The following FAT3 variants were observed in gnomAD, a reference collection of about 807,000 sequenced individuals.
The protein encoded by FAT3 is protocadherin Fat 3.
FAT3 carries 95 observed loss-of-function variants against 310.2 expected under a neutral mutation model. That is an observed-to-expected ratio of 0.31 (90% CI 0.26 to 0.36). The LOEUF is 0.36. Ranked by LOEUF, FAT3 falls within the 10% of genes least tolerant of loss-of-function variation. The pLI is 1.00. For synonymous variants in FAT3, 2,314 were observed against 2,192.9 expected, an observed-to-expected ratio of 1.06 and a Z score of -1.54; for missense variants, 5,408 against 5,715.6, an observed-to-expected ratio of 0.95 and a Z score of 1.74.
chr11:92,853,658 C>T (rs1353067980), intron 19 of FAT3, among the ~76,000 whole-genome samples: 1 of 152,042 alleles, frequency 6.6e-6, no homozygotes, highest in Non-Finnish European at 1.5e-5. Flanking sequence ...GGTGGGTAGC[C>T]CCTTACTGCA....
chr11:92,661,816 G>C (rs1942792924), intron 3 of FAT3, among the ~76,000 whole-genome samples: 1 of 151,928 alleles, frequency 6.6e-6, no homozygotes. Context: ...TATAAGCCCT[G>C]GTTATTTATA....
At chr11:92,296,499 A>G (rs1300720787) in intron 1 of FAT3, among the ~76,000 whole-genome samples, 2 of 152,112 alleles carry the variant, frequency 1.3e-5, no homozygotes, top group Admixed American at 6.5e-5. Context: ...AGAATCAACC[A>G]TAGGTATGGG....
At chr11:92,325,157 G>C (rs1301203435) in intron 1 of FAT3, among the ~76,000 whole-genome samples, 1 of 152,226 alleles carries the variant, frequency 6.6e-6, no homozygotes, top group Admixed American at 6.5e-5. Flanking sequence ...GTACAATTAT[G>C]ACAAGCTTGA....
In FAT3 at chr11:92,895,406, A is replaced by AGAT. The variant is rs547862500; in HGVS notation, c.*4294_*4296dup. On this transcript the variant is annotated 3_prime_UTR_variant, in exon 28 of 28. Transcript: ENST00000525166. ...ATTAATATTTAGCCAGCTGGCTAAG[A>AGAT]GATAGGAAAAGAATATGATATTTCT... The AGAT allele has an allele frequency of 6.6e-6, 1 of 152,232 alleles. No homozygotes were observed. Among genetic ancestry groups the AGAT allele is most frequent in the Non-Finnish European group, 1.5e-5 (1 of 68,044 alleles). 9.4% of individuals were successfully genotyped at this position (152,232 alleles called of 1,614,324 possible).
intron 4 of FAT3, among the ~76,000 whole-genome samples, chr11:92,698,956 G>A (rs1565521693): frequency 2.6e-5 from 4 of 152,286 alleles, no homozygotes; most frequent in Admixed American, 6.5e-5. Flanking sequence ...TTGCAAGGTC[G>A]TCTCTGTCAT....
At chr11:92,802,408 A>G (rs1947387235) in intron 10 of FAT3, among the ~76,000 whole-genome samples, 1 of 152,142 alleles carries the variant, frequency 6.6e-6, no homozygotes, top group African/African-American at 2.4e-5. Context: ...AGAAATCCTA[A>G]ATTATCACTA....
intron 1 of FAT3, among the ~76,000 whole-genome samples, chr11:92,267,835 T>C (rs955737162): frequency 1.3e-5 from 2 of 152,130 alleles, no homozygotes; most frequent in Non-Finnish European, 2.9e-5. Flanking sequence ...AAATCCTTTA[T>C]GGAACTGCGT....
At chr11:92,255,735 T>A (rs1199882634) in intron 1 of FAT3, among the ~76,000 whole-genome samples, 1 of 152,180 alleles carries the variant, frequency 6.6e-6, no homozygotes, top group East Asian at 1.9e-4. Flanking sequence ...TATAGAATTT[T>A]ATGGCAATGA....
intron 2 of FAT3, among the ~76,000 whole-genome samples, chr11:92,377,403 C>T (rs1326244064): frequency 6.6e-6 from 1 of 152,132 alleles, no homozygotes; most frequent in Non-Finnish European, 1.5e-5. Flanking sequence ...TCACTAAGTT[C>T]TGACTCCATG....
At chr11:92,674,562 G>A (rs1383624239) in intron 3 of FAT3, among the ~76,000 whole-genome samples, 1 of 151,648 alleles carries the variant, frequency 6.6e-6, no homozygotes, top group East Asian at 1.9e-4. Context: ...TCACTCTGTT[G>A]CCCAAGCTGG....
intron 3 of FAT3, among the ~76,000 whole-genome samples, chr11:92,532,220 G>C (rs1006004708): frequency 3.3e-5 from 5 of 152,022 alleles, no homozygotes; most frequent in African/African-American, 1.2e-4. Flanking sequence ...GGGAAGGAAT[G>C]TTACACAAAG....
intron 1 of FAT3, among the ~76,000 whole-genome samples, chr11:92,258,338 C>A (rs2134297482): frequency 6.6e-6 from 1 of 152,188 alleles, no homozygotes; most frequent in African/African-American, 2.4e-5. Flanking sequence ...GAAACTAAAG[C>A]ACTAGGTATA....
chr11:92,442,776 C>G (rs1281959718), intron 2 of FAT3, among the ~76,000 whole-genome samples: 1 of 152,124 alleles, frequency 6.6e-6, no homozygotes, highest in Non-Finnish European at 1.5e-5. Context: ...TTGTCTATGT[C>G]TTGTGTACTG....
At chr11:92,550,759 GCCA>G (rs1954783901) in intron 3 of FAT3, among the ~76,000 whole-genome samples, 1 of 139,472 alleles carries the variant, frequency 7.2e-6, no homozygotes, top group Non-Finnish European at 1.5e-5. Context: ...TCACCTGGTT[GCCA>G]CATTTATCTT....
chr11:92,508,641 G>T (rs1025116978), intron 2 of FAT3, among the ~76,000 whole-genome samples: 3 of 152,218 alleles, frequency 2.0e-5, no homozygotes, highest in Non-Finnish European at 4.4e-5. Context: ...GAATATGTGG[G>T]TGTGGGCATA....
chr11:92,296,629 C>T (rs948212370), intron 1 of FAT3, among the ~76,000 whole-genome samples: 1 of 151,972 alleles, frequency 6.6e-6, no homozygotes, highest in Non-Finnish European at 1.5e-5. Context: ...GGGTTTTTGA[C>T]AATCAGTGGA....
intron 1 of FAT3, among the ~76,000 whole-genome samples, chr11:92,339,266 A>T (rs1948175924): frequency 6.6e-6 from 1 of 152,176 alleles, no homozygotes; most frequent in African/African-American, 2.4e-5. Flanking sequence ...TCATTGTGAT[A>T]ACAAAAAATG....
chr11:92,564,198 C>T (rs949991793), intron 3 of FAT3, among the ~76,000 whole-genome samples: 8 of 152,016 alleles, frequency 5.3e-5, no homozygotes, highest in African/African-American at 1.9e-4. Flanking sequence ...GAAGATCTAT[C>T]AAACAAATGG....
At chr11:92,409,749 A>G (rs1196336662) in intron 2 of FAT3, among the ~76,000 whole-genome samples, 5 of 152,178 alleles carry the variant, frequency 3.3e-5, no homozygotes, top group Non-Finnish European at 7.3e-5. Flanking sequence ...AGAAGCCAGC[A>G]TGATTGCAGG....
Sources: gnomAD v4.1 joint callset for allele counts (sites outside exome capture counted in the v4.1 genomes callset) on GRCh38, gnomAD v4.1.1 for gene constraint, MANE v1.5 for transcripts, NCBI Gene and HGNC (gene_info 2026-07-23, HGNC 2026-07-21) for gene names.